MSH4: variants seen among roughly 807,000 people sequenced by gnomAD.
MSH4 encodes mutS homolog 4.
MSH4 carries 106 observed loss-of-function variants against 113.7 expected under a neutral mutation model. The ratio of observed to expected loss-of-function variants is 0.93; its 90% CI spans 0.80 to 1.10. MSH4 has a LOEUF of 1.10. Among genes scored for constraint, MSH4 ranks in the 50% least tolerant of loss-of-function variants. The pLI is 0.00. For synonymous variants in MSH4, 368 were observed against 380.2 expected (o/e 0.97, Z 0.37); for missense variants, 1,061 against 1,093.7 (o/e 0.97, Z 0.42).
intron 3 of MSH4, among the ~76,000 whole-genome samples, chr1:75,810,237 TTGTC>T (rs982652679): frequency 1.5e-4 from 6 of 39,988 alleles, no homozygotes; most frequent in African/African-American, 3.2e-4. Context: ...TGGTGTTTGT[TTGTC>T]TGTTTTTGAG....
chr1:75,880,833 A>G (rs1460587976), intron 13 of MSH4, among the ~76,000 whole-genome samples: 1 of 152,004 alleles, frequency 6.6e-6, no homozygotes, highest in African/African-American at 2.4e-5. Flanking sequence ...AAAATGGATG[A>G]GAGAGAAAAT....
intron 8 of MSH4, among the ~76,000 whole-genome samples, chr1:75,863,470 TG>T (rs1651503874): frequency 6.6e-6 from 1 of 152,188 alleles, no homozygotes; most frequent in Non-Finnish European, 1.5e-5. Flanking sequence ...TGGCTTTTTT[TG>T]CTTGTTTTTA....
At chr1:75,883,574 A>G (rs1214632622) in intron 14 of MSH4, 47 bp from the exon 15 acceptor site, 1 of 1,462,952 alleles carries the variant, frequency 6.8e-7, no homozygotes, top group Admixed American at 1.9e-5. Context: ...AAATCTTTAG[A>G]CACAAATATA....
At chr1:75,852,820 T>G (rs1047028703) in intron 8 of MSH4, among the ~76,000 whole-genome samples, 3 of 152,166 alleles carry the variant, frequency 2.0e-5, no homozygotes, top group Admixed American at 2.0e-4. Flanking sequence ...GTGGGTTGTC[T>G]TTTCACTTTC....
intron 17 of MSH4, among the ~76,000 whole-genome samples, chr1:75,895,849 C>G (rs1652368153): frequency 6.6e-6 from 1 of 152,008 alleles, no homozygotes; most frequent in African/African-American, 2.4e-5. Flanking sequence ...TAATTATTGT[C>G]TTCATTTGTA....
At chr1:75,844,748 A>G (rs562338433) in intron 7 of MSH4, among the ~76,000 whole-genome samples, 26 of 152,360 alleles carry the variant, frequency 1.7e-4, no homozygotes, top group African/African-American at 5.5e-4. Context: ...GAAGAATAAA[A>G]TAAGTTTTTG....
intron 15 of MSH4, among the ~76,000 whole-genome samples, chr1:75,886,445 AATATATAT>A (rs1557524869): frequency 1.8e-5 from 2 of 109,726 alleles, no homozygotes; most frequent in African/African-American, 9.6e-5. Flanking sequence ...TATTATATAT[AATATATAT>A]GATGTATTAT....
intron 18 of MSH4, among the ~76,000 whole-genome samples, chr1:75,898,520 AT>A (rs35302747): frequency 0.2 from 28,302 of 141,368 alleles, 2,559 homozygotes; most frequent in Non-Finnish European, 0.23. Context: ...ACCAAACCAT[AT>A]TTTTTTTTTT....
intron 17 of MSH4, among the ~76,000 whole-genome samples, chr1:75,897,338 A>G (rs1269155695): frequency 6.6e-6 from 1 of 152,178 alleles, no homozygotes; most frequent in Admixed American, 6.6e-5. Context: ...TTTGAGAGCC[A>G]TTATCTTAAT....
intron 6 of MSH4, among the ~76,000 whole-genome samples, chr1:75,822,187 G>A (rs1650431993): frequency 6.6e-6 from 1 of 151,578 alleles, no homozygotes; most frequent in South Asian, 2.1e-4. Flanking sequence ...TACTCAGGAA[G>A]CTGAGGCAGG....
At chr1:75,840,829 G>A (rs1013477383) in intron 7 of MSH4, among the ~76,000 whole-genome samples, 29 of 152,104 alleles carry the variant, frequency 1.9e-4, no homozygotes, top group African/African-American at 6.0e-4. Context: ...ATCCATGTTC[G>A]GGCAACAGAA....
intron 7 of MSH4, among the ~76,000 whole-genome samples, chr1:75,843,960 C>T (rs985469735): frequency 6.6e-6 from 1 of 152,062 alleles, no homozygotes; most frequent in Non-Finnish European, 1.5e-5. Flanking sequence ...TACAGGCATG[C>T]ACCACCATGC....
At position 75,878,167 on chromosome 1, in the gene MSH4, A is replaced by G; in HGVS notation, c.1389A>G (p.Glu463=). The G allele has an allele frequency of 3.1e-6, 5 of 1,598,740 alleles. No individual in the cohort carries two copies. The highest frequency in any genetic ancestry group is 4.3e-6 in the Non-Finnish European group (5 of 1,174,558). Residue 463 remains glutamate (E), a synonymous_variant, in exon 11 of 20, where the codon GAA becomes GAG. Transcript: ENST00000263187. The part of the protein sequence containing the change: ...LEDKRFGIIL[E]KIKTVINDDA... ...ATATTAGGTTTGGAATCATACTTGA[A>G]AAGATTAAAACAGTAATTAATGATG...
intron 8 of MSH4, among the ~76,000 whole-genome samples, chr1:75,850,954 A>G (rs1651174376): frequency 6.6e-6 from 1 of 151,986 alleles, no homozygotes; most frequent in East Asian, 1.9e-4. Flanking sequence ...CCCTAGTAGT[A>G]TTTTTTGCTA....
At chr1:75,850,094 A>G (rs1173833594) in intron 8 of MSH4, among the ~76,000 whole-genome samples, 2 of 152,034 alleles carry the variant, frequency 1.3e-5, no homozygotes, top group African/African-American at 4.8e-5. Context: ...GATATTATCA[A>G]TTTTATTGGT....
chr1:75,848,135 A>T (rs904999081), intron 7 of MSH4, 74 bp from the exon 8 acceptor site: 31 of 941,540 alleles, frequency 3.3e-5, no homozygotes, highest in Non-Finnish European at 4.5e-5. Flanking sequence ...TTCTTTGAGG[A>T]TAATATTTTA....
intron 6 of MSH4, among the ~76,000 whole-genome samples, chr1:75,822,183 G>A (rs1043623592): frequency 2.0e-5 from 3 of 151,706 alleles, no homozygotes; most frequent in African/African-American, 7.3e-5. Flanking sequence ...CAGCTACTCA[G>A]GAAGCTGAGG....
intron 19 of MSH4, among the ~76,000 whole-genome samples, chr1:75,908,067 T>A (rs546869917): frequency 6.6e-5 from 10 of 151,292 alleles, no homozygotes; most frequent in Non-Finnish European, 1.0e-4. Context: ...GCCTCTGTAG[T>A]TTTTTTAAGT....
intron 19 of MSH4, among the ~76,000 whole-genome samples, chr1:75,904,823 G>A (rs1331375650): frequency 1.3e-5 from 2 of 151,842 alleles, no homozygotes; most frequent in Non-Finnish European, 2.9e-5. Flanking sequence ...TTCAATCTTG[G>A]TAAGTTGTAT....
Sources: gnomAD v4.1 joint callset for allele counts (sites outside exome capture counted in the v4.1 genomes callset) on GRCh38, gnomAD v4.1.1 for gene constraint, MANE v1.5 for transcripts, NCBI Gene and HGNC (gene_info 2026-07-23, HGNC 2026-07-21) for gene names.